The following EPHB1 variants were observed in gnomAD, a reference collection of about 807,000 sequenced individuals.
The protein encoded by EPHB1 is ephrin type-B receptor 1.
Under a neutral mutation model 94.4 loss-of-function variants are expected in EPHB1, and 30 were observed. That is an observed-to-expected ratio of 0.32 (90% CI 0.24 to 0.43). The LOEUF is 0.43. Ranked by LOEUF, EPHB1 falls within the 20% of genes least tolerant of loss-of-function variation. The pLI is 1.00. For synonymous variants in EPHB1, 522 were observed against 489.1 expected (o/e 1.07, Z -0.89); for missense variants, 1,055 against 1,308.3 (o/e 0.81, Z 2.99).
intron 2 of EPHB1, among the ~76,000 whole-genome samples, chr3:134,929,182 G>A (rs2038856168): frequency 6.6e-6 from 1 of 152,126 alleles, no homozygotes; most frequent in South Asian, 2.1e-4. Context: ...TAGCAAGACA[G>A]AGATAAAGGC....
At position 134,845,250 on chromosome 3, in the gene EPHB1, C is replaced by T. The variant is rs140684915; in HGVS notation, c.58+49561C>T. ...GATGCAGAAACCATCTAGAACAATA[C>T]TTGTCATGGAGTAGTTTTTTTGTAA... On this transcript the variant is annotated intron_variant, in intron 1 of 15. Coordinates refer to ENST00000398015, the MANE Select transcript of EPHB1 (RefSeq NM_004441.5). Among the ~76,000 whole-genome samples the T allele has an allele frequency of 5.7e-3, 866 of 152,304 alleles. 8 individuals are homozygous for T. The highest frequency in any genetic ancestry group is 0.02 in the African/African-American group (826 of 41,564).
intron 2 of EPHB1, among the ~76,000 whole-genome samples, chr3:134,934,012 A>T (rs993827193): frequency 6.6e-6 from 1 of 151,132 alleles, no homozygotes; most frequent in African/African-American, 2.4e-5. Context: ...CTCCCCTCCT[A>T]TTCCCTCTTC....
intron 11 of EPHB1, among the ~76,000 whole-genome samples, chr3:135,193,732 C>T (rs1415094755): frequency 1.3e-5 from 2 of 152,204 alleles, no homozygotes; most frequent in African/African-American, 4.8e-5. Context: ...GTCATTGAAA[C>T]ATTGCTGGGA....
At chr3:135,007,237 C>T (rs993985456) in intron 3 of EPHB1, among the ~76,000 whole-genome samples, 4 of 152,184 alleles carry the variant, frequency 2.6e-5, no homozygotes, top group Non-Finnish European at 4.4e-5. Context: ...TCTCTAGACA[C>T]TCCCTTACCT....
intron 12 of EPHB1, among the ~76,000 whole-genome samples, chr3:135,230,189 C>T (rs771492863): frequency 4.6e-5 from 7 of 152,180 alleles, no homozygotes; most frequent in Non-Finnish European, 8.8e-5. Flanking sequence ...GTGGGGTGGC[C>T]TCTGAGCCTC....
intron 1 of EPHB1, among the ~76,000 whole-genome samples, chr3:134,830,390 G>A (rs2036559976): frequency 6.6e-6 from 1 of 152,002 alleles, no homozygotes; most frequent in Non-Finnish European, 1.5e-5. Flanking sequence ...TGCCTTTATT[G>A]CAAAATGATA....
chr3:135,011,731 G>A (rs1424166908), intron 3 of EPHB1, among the ~76,000 whole-genome samples: 1 of 152,172 alleles, frequency 6.6e-6, no homozygotes, highest in Non-Finnish European at 1.5e-5. Context: ...GGGCCTCTCA[G>A]GATGCAACAT....
intron 9 of EPHB1, among the ~76,000 whole-genome samples, chr3:135,168,451 T>A (rs1245344173): frequency 6.6e-6 from 1 of 152,238 alleles, no homozygotes; most frequent in African/African-American, 2.4e-5. Context: ...CCTGCTGTGT[T>A]CTCTTTCCTT....
chr3:135,220,594 C>CTTTTT (rs78078993), intron 12 of EPHB1, among the ~76,000 whole-genome samples: 1 of 133,960 alleles, frequency 7.5e-6, no homozygotes, highest in African/African-American at 2.8e-5. Context: ...TGTTGGAGGC[C>CTTTTT]TTTTTTTTTT....
At chr3:134,860,602 CAGG>C (rs2037234340) in intron 1 of EPHB1, among the ~76,000 whole-genome samples, 1 of 152,098 alleles carries the variant, frequency 6.6e-6, no homozygotes, top group Admixed American at 6.6e-5. Context: ...ATCACGATGT[CAGG>C]AGATCAAGAC....
intron 3 of EPHB1, among the ~76,000 whole-genome samples, chr3:135,060,581 T>A (rs978110364): frequency 6.6e-6 from 1 of 152,212 alleles, no homozygotes; most frequent in Non-Finnish European, 1.5e-5. Context: ...ACTCAATGTT[T>A]AAGTATTTGA....
chr3:134,842,330 T>C (rs1231450450), intron 1 of EPHB1, among the ~76,000 whole-genome samples: 1 of 152,200 alleles, frequency 6.6e-6, no homozygotes, highest in Non-Finnish European at 1.5e-5. Flanking sequence ...TATTTTGTTA[T>C]AGCAGCCCAA....
intron 1 of EPHB1, among the ~76,000 whole-genome samples, chr3:134,862,951 C>A (rs72984054): frequency 0.011 from 1,625 of 152,310 alleles, 22 homozygotes; most frequent in African/African-American, 0.037. Flanking sequence ...GGGCCATCCT[C>A]AGTGGTACGG....
At chr3:135,249,738 A>C (rs768270820) in intron 15 of EPHB1, among the ~76,000 whole-genome samples, 7 of 152,220 alleles carry the variant, frequency 4.6e-5, no homozygotes, top group Non-Finnish European at 1.0e-4. Flanking sequence ...CATTTGCCTA[A>C]TCACCCAGAG....
intron 9 of EPHB1, among the ~76,000 whole-genome samples, chr3:135,174,960 C>T (rs557581177): frequency 1.1e-3 from 171 of 152,272 alleles, no homozygotes; most frequent in African/African-American, 4.1e-3. Context: ...CTGGGAAGTG[C>T]CAGGTTTGTA....
chr3:134,997,051 T>G (rs1478204028), intron 3 of EPHB1, among the ~76,000 whole-genome samples: 4 of 152,210 alleles, frequency 2.6e-5, no homozygotes, highest in African/African-American at 9.6e-5. Flanking sequence ...ATACTACTTT[T>G]ATGGCACAAT....
intron 9 of EPHB1, among the ~76,000 whole-genome samples, chr3:135,176,322 T>A (rs532177068): frequency 2.6e-5 from 4 of 152,172 alleles, no homozygotes; most frequent in Non-Finnish European, 5.9e-5. Context: ...CTTTTTCAGT[T>A]TCCCTTCTTC....
intron 1 of EPHB1, among the ~76,000 whole-genome samples, chr3:134,883,277 A>G (rs981799442): frequency 6.6e-6 from 1 of 152,258 alleles, no homozygotes; most frequent in Non-Finnish European, 1.5e-5. Flanking sequence ...TAACATGAAG[A>G]AATGAGGACA....
intron 5 of EPHB1, among the ~76,000 whole-genome samples, chr3:135,133,368 G>T (rs1465966902): frequency 2.0e-5 from 3 of 152,256 alleles, no homozygotes; most frequent in Non-Finnish European, 4.4e-5. Flanking sequence ...TGGATGAAGA[G>T]ATGGACAGAC....
Sources: allele counts gnomAD v4.1 joint callset (sites outside exome capture counted in the v4.1 genomes callset), GRCh38; gene constraint gnomAD v4.1.1; transcripts MANE v1.5; gene names NCBI Gene and HGNC (gene_info 2026-07-23, HGNC 2026-07-21).